Variants in PLCG2 observed in about 807,000 individuals in gnomAD.
PLCG2 encodes the protein 1-phosphatidylinositol 4,5-bisphosphate phosphodiesterase gamma-2.
Under a neutral mutation model 175.6 loss-of-function variants are expected in PLCG2, and 69 were observed. The observed-to-expected ratio is 0.39, with a 90% CI of 0.32 to 0.48. PLCG2 has a LOEUF of 0.48. Among genes scored for constraint, PLCG2 ranks in the 20% least tolerant of loss-of-function variants. The probability of loss-of-function intolerance (pLI) is 0.91; values close to 1 mark genes in which losing one functional copy is unlikely to be tolerated. For synonymous variants in PLCG2, 827 were observed against 624.0 expected (o/e 1.33, Z -4.85); for missense variants, 1,798 against 1,650.9 (o/e 1.09, Z -1.54).
intron 2 of PLCG2, among the ~76,000 whole-genome samples, chr16:81,805,020 C>G (rs1053656922): frequency 6.6e-6 from 1 of 152,176 alleles, no homozygotes; most frequent in African/African-American, 2.4e-5. Context: ...GTACAGTGAG[C>G]TTCAGTGATT....
chr16:81,740,734 A>AC, intron 1 of PLCG2: 1 of 114,048 alleles, frequency 8.8e-6, no homozygotes, highest in East Asian at 3.0e-4. Context: ...CAAAAAAAAA[A>AC]AAAAAAAAAA....
intron 2 of PLCG2, among the ~76,000 whole-genome samples, chr16:81,762,239 A>C (rs1049526996): frequency 6.6e-6 from 1 of 152,200 alleles, no homozygotes; most frequent in African/African-American, 2.4e-5. Context: ...AAATGCATAC[A>C]TATGTTGCTA....
intron 2 of PLCG2, among the ~76,000 whole-genome samples, chr16:81,763,064 T>C (rs34527793): frequency 0.55 from 83,766 of 151,812 alleles, 24,040 homozygotes; most frequent in Non-Finnish European, 0.63. Flanking sequence ...CTCTTAAAAA[T>C]AATTAAATCA....
In PLCG2 at chr16:81,889,631, G is replaced by T. The variant is rs149891518; in HGVS notation, c.867+358G>T. ...CCTCCCTTTCAGAGGCTGGAGTTTC[G>T]TTTTTTTATGTTTTTGTTTGTTTGC... On this transcript the variant is annotated intron_variant, in intron 10 of 32. Transcript: ENST00000564138. Among the ~76,000 whole-genome samples the T allele has an allele frequency of 3.4e-4, 51 of 151,818 alleles. No individual in the cohort carries two copies. In the South Asian group the frequency reaches 0.011, roughly 32 times the overall value.
chr16:81,787,209 C>G (rs1021349012), intron 2 of PLCG2, among the ~76,000 whole-genome samples: 1 of 149,752 alleles, frequency 6.7e-6, no homozygotes, highest in Non-Finnish European at 1.5e-5. Context: ...TCATTGTACT[C>G]TTTTTTTTTT....
intron 2 of PLCG2, among the ~76,000 whole-genome samples, chr16:81,825,438 C>T (rs1360603358): frequency 6.6e-6 from 1 of 151,908 alleles, no homozygotes; most frequent in East Asian, 1.9e-4. Context: ...ACAGGCATGG[C>T]ATGCGCCAGC....
At chr16:81,879,830 C>T (rs1425314925) in intron 7 of PLCG2, among the ~76,000 whole-genome samples, 2 of 152,096 alleles carry the variant, frequency 1.3e-5, no homozygotes, top group African/African-American at 4.8e-5. Context: ...CATGGCGCCC[C>T]CCTTGGTGGA....
intron 26 of PLCG2, chr16:81,935,571 A>G: frequency 2.0e-6 from 2 of 985,346 alleles, no homozygotes; most frequent in Non-Finnish European, 2.4e-6. Flanking sequence ...TAGACCCCTC[A>G]GTTAACTTAC....
At chr16:81,903,376 C>A (rs1282314919) in intron 14 of PLCG2, among the ~76,000 whole-genome samples, 1 of 152,202 alleles carries the variant, frequency 6.6e-6, no homozygotes, top group Admixed American at 6.5e-5. Context: ...CAAGCACAAC[C>A]AGAGGAGGGG....
intron 2 of PLCG2, among the ~76,000 whole-genome samples, chr16:81,835,534 G>A (rs1597345457): frequency 6.6e-6 from 1 of 152,170 alleles, no homozygotes; most frequent in East Asian, 1.9e-4. Context: ...AGCTGAGATT[G>A]TGCCATTGCT....
intron 2 of PLCG2, among the ~76,000 whole-genome samples, chr16:81,838,943 C>T (rs2143416136): frequency 6.6e-6 from 1 of 152,138 alleles, no homozygotes; most frequent in Admixed American, 6.5e-5. Context: ...CACTCTGACC[C>T]CATCAGTGAG....
chr16:81,794,148 G>A (rs562673447), intron 2 of PLCG2, among the ~76,000 whole-genome samples: 128 of 152,274 alleles, frequency 8.4e-4, no homozygotes, highest in Non-Finnish European at 1.6e-3. Flanking sequence ...CGCCGGATTT[G>A]TGGGGAGATG....
rs9708827 is a variant in PLCG2 at position 81,771,077 on chromosome 16, T to A, written c.-47-14866T>A. ...CATCTCAAAAAAAAAAAAAAATAAA[T>A]AAATAAATAAAAGGCCCAGATCATA... On this transcript the variant is annotated intron_variant, in intron 2 of 5. Transcript: ENST00000565054. Among the ~76,000 whole-genome samples, 559 of 98,178 alleles carry A rather than the reference T, an allele frequency of 5.7e-3. 7 individuals are homozygous for A. The highest frequency in any genetic ancestry group is 0.038 in the South Asian group (108 of 2,806). The allele number at this position is 98,178 out of a possible 152,430, so 64.4% of individuals were successfully genotyped here. A position where few individuals can be genotyped will look rare whatever the true frequency, so the allele number is the denominator to read the frequency against.
At chr16:81,907,856 G>C in intron 16 of PLCG2, 82 bp downstream of exon 16, 1 of 971,138 alleles carries the variant, frequency 1.0e-6, no homozygotes, top group Non-Finnish European at 1.6e-6. Flanking sequence ...TCCTTCCCAT[G>C]TGGCTTCTCT....
At chr16:81,916,497 A>G (rs113395256) in intron 19 of PLCG2, among the ~76,000 whole-genome samples, 3,082 of 152,242 alleles carry the variant, frequency 0.02, 35 homozygotes, top group Admixed American at 0.03. Flanking sequence ...GTTTATATGT[A>G]TCATGTACAA....
At chr16:81,943,051 G>A (rs912998848) in intron 30 of PLCG2, among the ~76,000 whole-genome samples, 1 of 152,148 alleles carries the variant, frequency 6.6e-6, no homozygotes, top group Non-Finnish European at 1.5e-5. Context: ...AGAGGCACAC[G>A]CCTAGTGTCA....
intron 5 of PLCG2, among the ~76,000 whole-genome samples, chr16:81,860,169 A>ATTTTT (rs1375490447): frequency 1.1e-4 from 10 of 93,394 alleles, no homozygotes; most frequent in Admixed American, 3.2e-4. Context: ...TATTATTATT[A>ATTTTT]TTATTTTTTT....
intron 19 of PLCG2, 40 bp downstream of exon 19, chr16:81,912,756 C>A: frequency 6.5e-7 from 1 of 1,545,972 alleles, no homozygotes; most frequent in Admixed American, 1.9e-5. Context: ...TACAGAGGGG[C>A]TTGGCAAGGA....
At chr16:81,884,036 GC>G (rs779630917) in intron 9 of PLCG2, among the ~76,000 whole-genome samples, 4 of 152,202 alleles carry the variant, frequency 2.6e-5, no homozygotes, top group South Asian at 4.1e-4. Flanking sequence ...GCACAGGGCA[GC>G]CCCCCCTACC....
Sources: allele counts gnomAD v4.1 joint callset (sites outside exome capture counted in the v4.1 genomes callset), GRCh38; gene constraint gnomAD v4.1.1; transcripts MANE v1.5; gene names NCBI Gene and HGNC (gene_info 2026-07-23, HGNC 2026-07-21).